The following THNSL1 variants were observed in gnomAD, a reference collection of about 807,000 sequenced individuals.
THNSL1 encodes threonine synthase-like 1.
A neutral mutation model predicts 50.4 loss-of-function variants in THNSL1; 48 were observed. That is an observed-to-expected ratio of 0.95 (90% CI 0.76 to 1.21). THNSL1 has a LOEUF of 1.21. THNSL1 is among the 50% of genes most tolerant of loss of function. The pLI is 0.00. For synonymous variants in THNSL1, 309 were observed against 306.1 expected, an observed-to-expected ratio of 1.01 and a Z score of -0.10; for missense variants, 896 against 871.7, an observed-to-expected ratio of 1.03 and a Z score of -0.35.
At chr10:24,988,213 G>C in the THNSL1 span, among the ~76,000 whole-genome samples, 1 of 144,856 alleles carries the variant, frequency 6.9e-6, no homozygotes, top group East Asian at 2.0e-4. Flanking sequence ...GACAGAGCAA[G>C]ACTTCATCTC....
At chr10:25,016,969 T>C (rs1430272880) in intron 1 of THNSL1, among the ~76,000 whole-genome samples, 1 of 152,162 alleles carries the variant, frequency 6.6e-6, no homozygotes, top group Non-Finnish European at 1.5e-5. Context: ...GCCCGCCACG[T>C]GTGTGAGTGC....
the THNSL1 span, among the ~76,000 whole-genome samples, chr10:24,988,236 A>ATATATATATATATGTGTG: frequency 7.0e-6 from 1 of 143,430 alleles, no homozygotes; most frequent in African/African-American, 2.6e-5. Flanking sequence ...AAAAAAATGT[A>ATATATATATATATGTGTG]TATATATATA....
the THNSL1 span, among the ~76,000 whole-genome samples, chr10:24,967,745 G>A: frequency 6.6e-6 from 1 of 151,584 alleles, no homozygotes; most frequent in Non-Finnish European, 1.5e-5. Flanking sequence ...ATGTGTGTAT[G>A]TATGATGTAT....
chr10:25,023,405 T>C lies in THNSL1; in HGVS notation c.182T>C (p.Met61Thr). The C allele has an allele frequency of 6.2e-7, 1 of 1,614,186 alleles. No homozygotes were observed. Among genetic ancestry groups the C allele is most frequent in the Non-Finnish European group, 8.5e-7 (1 of 1,180,006 alleles). The change falls in exon 3 of 3, where the codon ATG becomes ACG. Residue 61 changes from methionine to threonine, a missense_variant. Coordinates refer to ENST00000376356, the MANE Select transcript of THNSL1 (RefSeq NM_024838.5). ...SLVGDKNIIL[M>T]GPPGAGKTTV... ...GTTGGAGACAAAAATATTATCCTGATGGGACCTCCTGGTGCTGGGAAAACA... is the reference window on the plus strand; with the variant it reads ...GTTGGAGACAAAAATATTATCCTGACGGGACCTCCTGGTGCTGGGAAAACA...
intron 2 of THNSL1, among the ~76,000 whole-genome samples, 183 bp downstream of exon 2, chr10:25,022,091 C>T (rs1850729776): frequency 6.6e-6 from 1 of 152,088 alleles, no homozygotes. Flanking sequence ...TGATAAGCCC[C>T]ACTATGTGTC....
chr10:24,970,751 C>T, the THNSL1 span, among the ~76,000 whole-genome samples: 1 of 148,916 alleles, frequency 6.7e-6, no homozygotes, highest in African/African-American at 2.5e-5. Flanking sequence ...GGGCCGGGCA[C>T]GATGGCTCAC....
the THNSL1 span, among the ~76,000 whole-genome samples, chr10:24,956,465 A>T: frequency 0.43 from 56,508 of 131,398 alleles, 10,898 homozygotes; most frequent in East Asian, 0.51. Context: ...CATTTTATTT[A>T]TTTTTTTTTT....
chr10:24,968,453 T>C, the THNSL1 span, among the ~76,000 whole-genome samples: 1 of 152,136 alleles, frequency 6.6e-6, no homozygotes, highest in Non-Finnish European at 1.5e-5. Context: ...AACATCCCCT[T>C]GCTCATCCAG....
chr10:25,022,292 C>T (rs1029243741), intron 2 of THNSL1, among the ~76,000 whole-genome samples: 1 of 152,150 alleles, frequency 6.6e-6, no homozygotes, highest in African/African-American at 2.4e-5. Flanking sequence ...TGTCTCTCAT[C>T]ATTGGAAACA....
At chr10:25,015,728 T>A (rs561815611), upstream of THNSL1, 14 of 782,220 alleles carry the variant, frequency 1.8e-5, no homozygotes, top group African/African-American at 1.1e-4. Flanking sequence ...TAACAAGTTA[T>A]CCTCCAAGGC....
chr10:24,999,215 A>G, the THNSL1 span, among the ~76,000 whole-genome samples: 1 of 152,190 alleles, frequency 6.6e-6, no homozygotes, highest in Admixed American at 6.6e-5. Context: ...TCTGGGGGCA[A>G]TTTATCACAC....
At chr10:24,953,469 C>T in the THNSL1 span, 1 of 152,214 alleles carries the variant, frequency 6.6e-6, no homozygotes, top group African/African-American at 2.4e-5. Context: ...GTAATTGTTC[C>T]AGGTTGCAGC....
At chr10:25,009,813 C>T in the THNSL1 span, among the ~76,000 whole-genome samples, 12 of 152,274 alleles carry the variant, frequency 7.9e-5, no homozygotes, top group Admixed American at 1.3e-4. Flanking sequence ...CACACACTCT[C>T]GTTTCCCACT....
the THNSL1 span, among the ~76,000 whole-genome samples, chr10:25,010,801 T>C: frequency 6.7e-6 from 1 of 148,436 alleles, no homozygotes; most frequent in Non-Finnish European, 1.5e-5. Context: ...TGCATAGTAT[T>C]CCATGGTGTA....
In THNSL1 at chr10:25,021,763, G is replaced by A. The variant is rs1395198110; in HGVS notation, c.-194G>A. 2.6e-5 allele frequency: 4 copies of A among 152,066 alleles called. No individual in the cohort carries two copies. Among genetic ancestry groups the A allele is most frequent in the Non-Finnish European group, 4.4e-5 (3 of 68,020 alleles). The allele number at this position is 152,066 out of a possible 1,614,324, so 9.4% of individuals were successfully genotyped here. On this transcript the variant is annotated 5_prime_UTR_variant, in exon 2 of 3. Coordinates refer to ENST00000376356, the MANE Select transcript of THNSL1 (RefSeq NM_024838.5). ...ATAGACTCCACGTTTTGCAAAGATC[G>A]GTTTTGCCTCAGAGTCAACAAACTC...
chr10:25,022,088 C>G (rs907068363), intron 2 of THNSL1, among the ~76,000 whole-genome samples, 180 bp downstream of exon 2: 1 of 152,022 alleles, frequency 6.6e-6, no homozygotes, highest in Non-Finnish European at 1.5e-5. Context: ...ACGTGATAAG[C>G]CCCACTATGT....
At chr10:24,981,396 C>T in the THNSL1 span, among the ~76,000 whole-genome samples, 1 of 152,098 alleles carries the variant, frequency 6.6e-6, no homozygotes, top group Non-Finnish European at 1.5e-5. Context: ...AAATTTTTGC[C>T]AGTTACTAGA....
the THNSL1 span, among the ~76,000 whole-genome samples, chr10:24,955,791 A>T: frequency 6.6e-6 from 1 of 152,044 alleles, no homozygotes. Context: ...ATAAAAAATT[A>T]AAAACTTAGC....
chr10:25,018,659 G>GTTTTTTTTTTTTTTTTTTTTTTTTTTTTT (rs374289213), intron 1 of THNSL1, among the ~76,000 whole-genome samples: 1 of 93,716 alleles, frequency 1.1e-5, no homozygotes, highest in African/African-American at 3.5e-5. Flanking sequence ...AATGAGAGTT[G>GTTTTTTTTTTTTTTTTTTTTTTTTTTTTT]TTTTTTTTTT....
Sources: gnomAD v4.1 joint callset for allele counts (sites outside exome capture counted in the v4.1 genomes callset) on GRCh38, gnomAD v4.1.1 for gene constraint, MANE v1.5 for transcripts, NCBI Gene and HGNC (gene_info 2026-07-23, HGNC 2026-07-21) for gene names.